CADPS2: variants seen among roughly 807,000 people sequenced by gnomAD.
CADPS2 encodes calcium-dependent secretion activator 2.
In CADPS2, 93 loss-of-function variants were observed where a neutral mutation model predicts 172.5. That is an observed-to-expected ratio of 0.54 (90% confidence interval 0.46 to 0.64). CADPS2 has a LOEUF of 0.64. Among genes scored for constraint, CADPS2 ranks in the 30% least tolerant of loss-of-function variants. The pLI is 0.00. For synonymous variants in CADPS2, 546 were observed against 555.2 expected (o/e 0.98, Z 0.23); for missense variants, 1,420 against 1,565.9 (o/e 0.91, Z 1.57).
chr7:122,559,158 T>C (rs1432334399), intron 7 of CADPS2, among the ~76,000 whole-genome samples: 2 of 152,126 alleles, frequency 1.3e-5, no homozygotes, highest in Non-Finnish European at 2.9e-5. Flanking sequence ...GAATTACAGT[T>C]TCACTTGGAA....
At chr7:122,435,267 T>C (rs2151924060) in intron 17 of CADPS2, among the ~76,000 whole-genome samples, 1 of 152,240 alleles carries the variant, frequency 6.6e-6, no homozygotes, top group East Asian at 1.9e-4. Flanking sequence ...GAGAAAGGGT[T>C]CATATCCAAA....
At chr7:122,447,801 C>CCTCAGT (rs1563364217) in intron 15 of CADPS2, among the ~76,000 whole-genome samples, 1 of 151,870 alleles carries the variant, frequency 6.6e-6, no homozygotes, top group Admixed American at 6.6e-5. Flanking sequence ...ATGTCACCCA[C>CCTCAGT]CTCAGTCTCC....
chr7:122,588,227 T>A (rs1009211661), intron 6 of CADPS2, among the ~76,000 whole-genome samples: 1 of 152,140 alleles, frequency 6.6e-6, no homozygotes, highest in African/African-American at 2.4e-5. Context: ...TAGATGCCAT[T>A]TGTCAATTTT....
chr7:122,770,825 C>G (rs2093686239), intron 1 of CADPS2, among the ~76,000 whole-genome samples: 2 of 152,170 alleles, frequency 1.3e-5, no homozygotes, highest in Non-Finnish European at 2.9e-5. Flanking sequence ...GGAGCTGCTG[C>G]AGGGCACTCA....
At chr7:122,391,126 T>A (rs2044314947) in intron 22 of CADPS2, among the ~76,000 whole-genome samples, 1 of 152,030 alleles carries the variant, frequency 6.6e-6, no homozygotes, top group Admixed American at 6.6e-5. Flanking sequence ...TGTTTCAAAC[T>A]TCAAAAAACA....
At chr7:122,369,993 A>G (rs1391137236) in intron 25 of CADPS2, among the ~76,000 whole-genome samples, 3 of 152,082 alleles carry the variant, frequency 2.0e-5, no homozygotes, top group Non-Finnish European at 4.4e-5. Context: ...AGCACTTCCT[A>G]CAAGCTTCTG....
At chr7:122,369,171 G>T (rs1261448604) in intron 25 of CADPS2, among the ~76,000 whole-genome samples, 1 of 110,504 alleles carries the variant, frequency 9.0e-6, no homozygotes, top group Admixed American at 1.5e-4. Context: ...TCGCTCTGTC[G>T]CCCAGGCTGG....
At chr7:122,390,102 G>A (rs960024906) in intron 22 of CADPS2, among the ~76,000 whole-genome samples, 4 of 151,756 alleles carry the variant, frequency 2.6e-5, no homozygotes, top group Non-Finnish European at 5.9e-5. Context: ...TGATCTCCTT[G>A]TCTAGCCAAA....
chr7:122,441,288 T>C (rs1013833256), intron 16 of CADPS2, among the ~76,000 whole-genome samples: 1 of 152,020 alleles, frequency 6.6e-6, no homozygotes, highest in African/African-American at 2.4e-5. Context: ...AAAGATGCCA[T>C]AATATGAGGA....
At chr7:122,723,884 T>C (rs1167416668) in intron 2 of CADPS2, among the ~76,000 whole-genome samples, 3 of 152,046 alleles carry the variant, frequency 2.0e-5, no homozygotes, top group African/African-American at 2.4e-5. Flanking sequence ...TGTAGGGACA[T>C]GGATGAAGCT....
At chr7:122,394,844 A>G (rs1234219316) in intron 20 of CADPS2, among the ~76,000 whole-genome samples, 3 of 152,152 alleles carry the variant, frequency 2.0e-5, no homozygotes, top group African/African-American at 7.2e-5. Context: ...CTGTGTGGAA[A>G]TGGAGTAGGT....
chr7:122,674,659 T>A (rs929540731), intron 2 of CADPS2, among the ~76,000 whole-genome samples: 1 of 152,256 alleles, frequency 6.6e-6, no homozygotes. Flanking sequence ...GTTCACACAT[T>A]GCTGTTGATT....
intron 9 of CADPS2, among the ~76,000 whole-genome samples, chr7:122,499,883 C>G (rs2059054993): frequency 6.6e-6 from 1 of 152,014 alleles, no homozygotes. Flanking sequence ...TTGGAAGAAT[C>G]TTAAAAACCT....
chr7:122,501,692 A>G (rs1184658936), intron 9 of CADPS2, among the ~76,000 whole-genome samples: 1 of 151,458 alleles, frequency 6.6e-6, no homozygotes, highest in African/African-American at 2.4e-5. Flanking sequence ...TAGAGACGGT[A>G]GTGAAACCCC....
At chr7:122,715,543 C>T (rs1392641395) in intron 2 of CADPS2, among the ~76,000 whole-genome samples, 1 of 152,094 alleles carries the variant, frequency 6.6e-6, no homozygotes, top group African/African-American at 2.4e-5. Flanking sequence ...TTTCTGTACA[C>T]TGTCCAAACA....
At chr7:122,870,441 G>C (rs1170349056) in intron 1 of CADPS2, among the ~76,000 whole-genome samples, 3 of 151,944 alleles carry the variant, frequency 2.0e-5, no homozygotes, top group African/African-American at 7.2e-5. Context: ...AAACAGAGTA[G>C]AAAGATAGCC....
chr7:122,584,300 A>C (rs2069307889), intron 6 of CADPS2, among the ~76,000 whole-genome samples: 1 of 151,974 alleles, frequency 6.6e-6, no homozygotes, highest in African/African-American at 2.4e-5. Context: ...AGAATTACTC[A>C]GGTTTTCTCT....
chr7:122,336,069 AG>A (rs2035808517), intron 28 of CADPS2, among the ~76,000 whole-genome samples: 2 of 152,228 alleles, frequency 1.3e-5, no homozygotes, highest in Non-Finnish European at 2.9e-5. Context: ...CAAGAAATTC[AG>A]GGTTCTCTCT....
chr7:122,504,157 G>A (rs1042136959), intron 9 of CADPS2, among the ~76,000 whole-genome samples: 1 of 151,968 alleles, frequency 6.6e-6, no homozygotes, highest in South Asian at 2.1e-4. Flanking sequence ...ATCATTTTAA[G>A]TCTTATATAT....
Sources: allele counts gnomAD v4.1 joint callset (sites outside exome capture counted in the v4.1 genomes callset), GRCh38; gene constraint gnomAD v4.1.1; transcripts MANE v1.5; gene names NCBI Gene and HGNC (gene_info 2026-07-23, HGNC 2026-07-21).